ADGRL4: variants seen among roughly 807,000 people sequenced by gnomAD.
ADGRL4 encodes adhesion G protein-coupled receptor L4, also known as EGF, latrophilin and seven transmembrane domain containing 1.
ADGRL4 carries 90 observed loss-of-function variants against 74.8 expected under a neutral mutation model. That is an observed-to-expected ratio of 1.20 (90% CI 1.02 to 1.43). The LOEUF is 1.43. Ranked by LOEUF, ADGRL4 falls within the 40% of genes most tolerant of loss-of-function variation. The pLI is 0.00. For missense variants in ADGRL4, 881 were observed against 814.3 expected (o/e 1.08, Z -1.00); for synonymous variants, 311 against 279.2 (o/e 1.11, Z -1.14).
chr1:78,986,325 C>G (rs78954605), intron 2 of ADGRL4, among the ~76,000 whole-genome samples: 10,811 of 151,672 alleles, frequency 0.071, 635 homozygotes, highest in East Asian at 0.35. Context: ...AATCTACAAC[C>G]AAGTTGTTGA....
At chr1:78,917,509 A>G in intron 12 of ADGRL4, 125 bp downstream of exon 12, 1 of 495,874 alleles carries the variant, frequency 2.0e-6, no homozygotes, top group Non-Finnish European at 3.6e-6. Context: ...TAAAATGCTG[A>G]TAAGTGATAT....
chr1:78,920,146 T>G (rs1455679951), intron 10 of ADGRL4, 37 bp downstream of exon 10: 1 of 1,500,472 alleles, frequency 6.7e-7, no homozygotes, highest in East Asian at 2.3e-5. Context: ...AGTACACATA[T>G]CATAGGACAA....
At chr1:78,985,589 T>C (rs1016148772) in intron 2 of ADGRL4, among the ~76,000 whole-genome samples, 3 of 151,812 alleles carry the variant, frequency 2.0e-5, no homozygotes, top group Non-Finnish European at 2.9e-5. Context: ...GCATAATCTC[T>C]CATTTATCAT....
intron 12 of ADGRL4, among the ~76,000 whole-genome samples, chr1:78,904,765 T>G (rs1056610859): frequency 6.6e-6 from 1 of 152,098 alleles, no homozygotes; most frequent in African/African-American, 2.4e-5. Context: ...TGTCTTACTT[T>G]CCTTGCGTGT....
chr1:78,927,795 A>T (rs777946397), intron 7 of ADGRL4, among the ~76,000 whole-genome samples: 6 of 152,158 alleles, frequency 3.9e-5, no homozygotes, highest in Non-Finnish European at 7.4e-5. Context: ...AAACAGGATT[A>T]TTTGGATATG....
intron 3 of ADGRL4, among the ~76,000 whole-genome samples, chr1:78,940,007 T>C (rs190625633): frequency 3.7e-4 from 57 of 152,236 alleles, no homozygotes; most frequent in Non-Finnish European, 7.5e-4. Context: ...GTATTGAAAA[T>C]ATTATTCATG....
Position 78,939,192 on chromosome 1 carries a change from G to T in ADGRL4, c.392C>A (p.Thr131Lys). ...CIAANINKTL[T>K]KIRSIKEPVA... Reference sequence around the variant, plus strand: ...ATTGTTAACTGTTCTACTTACTTTTGTTAAAGTTTTATTAATATTTGCAGC... The same window carrying T: ...ATTGTTAACTGTTCTACTTACTTTTTTTAAAGTTTTATTAATATTTGCAGC... The change falls in exon 4 of 15, where the codon ACA becomes AAA. Residue 131 changes from threonine (T) to lysine (K), a missense_variant. Coordinates refer to ENST00000370742, the MANE Select transcript of ADGRL4 (RefSeq NM_022159.4). 6.4e-7 allele frequency: 1 copy of T among 1,559,018 alleles called. No individual in the cohort carries two copies. The highest frequency in any genetic ancestry group is 8.6e-7 in the Non-Finnish European group (1 of 1,157,288).
chr1:78,962,762 G>A (rs1649981176), intron 2 of ADGRL4, among the ~76,000 whole-genome samples: 1 of 151,436 alleles, frequency 6.6e-6, no homozygotes, highest in African/African-American at 2.4e-5. Context: ...TCATCTTCAG[G>A]TAACATTCTT....
chr1:78,920,532 GA>G (rs1557497853), intron 9 of ADGRL4, 146 bp from the exon 10 acceptor site: 1 of 592,464 alleles, frequency 1.7e-6, no homozygotes, highest in Admixed American at 3.4e-5. Flanking sequence ...ATTTAGATGA[GA>G]AAAATTTTGT....
intron 2 of ADGRL4, among the ~76,000 whole-genome samples, chr1:78,948,689 A>T (rs1649662638): frequency 6.6e-6 from 1 of 152,170 alleles, no homozygotes; most frequent in African/African-American, 2.4e-5. Context: ...ATACTCAGAA[A>T]GTAGATATGT....
chr1:78,908,255 A>C (rs1648686394), intron 12 of ADGRL4, among the ~76,000 whole-genome samples: 1 of 151,990 alleles, frequency 6.6e-6, no homozygotes, highest in Non-Finnish European at 1.5e-5. Flanking sequence ...GATGATCAGA[A>C]GTCCAAAGGT....
chr1:78,960,505 T>C (rs1422322567), intron 2 of ADGRL4, among the ~76,000 whole-genome samples: 1 of 152,190 alleles, frequency 6.6e-6, no homozygotes, highest in African/African-American at 2.4e-5. Context: ...TCTCAGATCA[T>C]ACACATGACA....
intron 7 of ADGRL4, among the ~76,000 whole-genome samples, 178 bp from the exon 8 acceptor site, chr1:78,927,269 G>A (rs2100677935): frequency 6.6e-6 from 1 of 152,144 alleles, no homozygotes; most frequent in South Asian, 2.1e-4. Flanking sequence ...ACCATAGGAA[G>A]ACATATTCTC....
intron 2 of ADGRL4, among the ~76,000 whole-genome samples, chr1:78,948,131 T>C (rs1443559871): frequency 6.6e-6 from 1 of 152,150 alleles, no homozygotes; most frequent in Non-Finnish European, 1.5e-5. Flanking sequence ...GTTACCTTCC[T>C]GGCAGGTTGA....
At chr1:78,997,160 C>G (rs1424680945) in intron 2 of ADGRL4, among the ~76,000 whole-genome samples, 4 of 140,852 alleles carry the variant, frequency 2.8e-5, no homozygotes, top group African/African-American at 1.0e-4. Context: ...AAGGTCTGGA[C>G]CTAGATTAAA....
chr1:78,972,791 C>T (rs1227763302), intron 2 of ADGRL4, among the ~76,000 whole-genome samples: 2 of 152,162 alleles, frequency 1.3e-5, no homozygotes, highest in Non-Finnish European at 2.9e-5. Context: ...TCATGGCCAA[C>T]ATACATTTGC....
intron 2 of ADGRL4, among the ~76,000 whole-genome samples, chr1:78,995,383 G>T (rs555155845): frequency 6.5e-4 from 99 of 152,280 alleles, no homozygotes; most frequent in African/African-American, 2.3e-3. Flanking sequence ...CTGATTTGTA[G>T]CACCAGCCTG....
At chr1:78,923,726 A>G (rs1019439116) in intron 8 of ADGRL4, among the ~76,000 whole-genome samples, 11 of 151,978 alleles carry the variant, frequency 7.2e-5, no homozygotes, top group African/African-American at 2.7e-4. Flanking sequence ...AAAGTTTCTC[A>G]GTGAAAATAA....
intron 2 of ADGRL4, among the ~76,000 whole-genome samples, chr1:78,984,743 A>T (rs1358390718): frequency 1.3e-5 from 2 of 151,794 alleles, no homozygotes; most frequent in Non-Finnish European, 2.9e-5. Flanking sequence ...AATTGCATTT[A>T]AAAAAATTCC....
Sources: gnomAD v4.1 joint callset for allele counts (sites outside exome capture counted in the v4.1 genomes callset) on GRCh38, gnomAD v4.1.1 for gene constraint, MANE v1.5 for transcripts, NCBI Gene and HGNC (gene_info 2026-07-23, HGNC 2026-07-21) for gene names.